TRIM49C: variants seen among roughly 807,000 people sequenced by gnomAD.
TRIM49C encodes the protein tripartite motif-containing protein 49C.
TRIM49C carries 6 observed loss-of-function variants against 21.4 expected under a neutral mutation model. That is an observed-to-expected ratio of 0.28 (90% CI 0.15 to 0.55). The LOEUF is 0.55. Among genes scored for constraint, TRIM49C ranks in the 20% least tolerant of loss-of-function variants. TRIM49C has a pLI of 0.94. For missense variants in TRIM49C, 161 were observed against 442.4 expected, an observed-to-expected ratio of 0.36 and a Z score of 5.71; for synonymous variants, 57 against 148.1, an observed-to-expected ratio of 0.38 and a Z score of 4.47.
At chr11:90,031,657 A>T (rs1428518358) in intron 1 of TRIM49C, among the ~76,000 whole-genome samples, 4 of 151,880 alleles carry the variant, frequency 2.6e-5, no homozygotes, top group Non-Finnish European at 5.9e-5. Flanking sequence ...CGTTAAAATA[A>T]TAACTCATCT....
At chr11:90,042,204 A>T (rs1463393316), downstream of TRIM49C, among the ~76,000 whole-genome samples, 3 of 146,158 alleles carry the variant, frequency 2.1e-5, no homozygotes, top group African/African-American at 7.7e-5. Context: ...AACCATACAC[A>T]GTCATTTCCA....
At chr11:90,066,377 TG>T in the TRIM49C span, among the ~76,000 whole-genome samples, 1 of 136,722 alleles carries the variant, frequency 7.3e-6, no homozygotes, top group South Asian at 2.5e-4. Flanking sequence ...GTTGCTTATG[TG>T]CCTAGCCGTT....
At chr11:90,054,364 C>T in the TRIM49C span, among the ~76,000 whole-genome samples, 4 of 134,340 alleles carry the variant, frequency 3.0e-5, no homozygotes, top group African/African-American at 1.1e-4. Context: ...TATTTTTCCC[C>T]CAAGTCCTGG....
chr11:90,069,574 A>G, the TRIM49C span, among the ~76,000 whole-genome samples: 201 of 130,136 alleles, frequency 1.5e-3, 24 homozygotes, highest in Non-Finnish European at 2.6e-3. Context: ...AAAATATCTA[A>G]ATATAAACTG....
At position 90,031,194 on chromosome 11, in the gene TRIM49C, G is replaced by A. The variant is rs1484402013; in HGVS notation, c.-241G>A. The A allele has an allele frequency of 7.4e-6, 1 of 134,804 alleles. No homozygotes were observed. 8.4% of individuals were successfully genotyped at this position (134,804 alleles called of 1,614,324 possible). Reference sequence around the variant, plus strand: ...CAGCCAGCGGGGGATTTCTTTTCCTGGTGGACTGTACCCAGGATCTCACAT... The same window carrying A: ...CAGCCAGCGGGGGATTTCTTTTCCTAGTGGACTGTACCCAGGATCTCACAT... On this transcript the variant is annotated 5_prime_UTR_variant, in exon 1 of 8. It introduces an in-frame stop codon into an upstream open reading frame of the 5' UTR. Coordinates refer to ENST00000448984, the MANE Select transcript of TRIM49C (RefSeq NM_001195234.1).
chr11:90,041,362 C>T lies in TRIM49C; in HGVS notation c.1171C>T (p.Leu391Phe). ...TATTAAGAATGACATTCAATGCAGT[C>T]TCTTTACCACCTCCCCACTTATGCT... ...GCIKNDIQCSLFTTSPLMLQY... is the reference protein window; with the variant it reads ...GCIKNDIQCSFFTTSPLMLQY... The change falls in exon 8 of 8, where the codon CTC becomes TTC. Residue 391 changes from leucine (L) to phenylalanine (F), a missense_variant. This residue lies in a region of TRIM49C where 63 missense variants were observed against 67.6 expected (regional missense o/e 0.93). Coordinates refer to ENST00000448984, the MANE Select transcript of TRIM49C (RefSeq NM_001195234.1). The T allele has an allele frequency of 6.3e-7, 1 of 1,589,214 alleles. No individual in the cohort carries two copies. Among genetic ancestry groups the T allele is most frequent in the Non-Finnish European group, 8.6e-7 (1 of 1,164,736 alleles).
intron 6 of TRIM49C, among the ~76,000 whole-genome samples, chr11:90,038,924 T>C (rs1454437088): frequency 7.3e-6 from 1 of 137,000 alleles, no homozygotes. Context: ...TGATTCCTGG[T>C]TTTGTTTTTT....
At chr11:90,056,394 G>T in the TRIM49C span, among the ~76,000 whole-genome samples, 1 of 108,884 alleles carries the variant, frequency 9.2e-6, no homozygotes, top group Non-Finnish European at 1.9e-5. Flanking sequence ...TCTAAGTCCT[G>T]CTCCTCTACC....
At chr11:90,071,086 T>C in the TRIM49C span, 1 of 488,356 alleles carries the variant, frequency 2.0e-6, no homozygotes, top group South Asian at 1.5e-5. Context: ...GTGAGCCACC[T>C]CACCCAACAA....
the TRIM49C span, among the ~76,000 whole-genome samples, chr11:90,047,053 T>C: frequency 8.1e-6 from 1 of 123,908 alleles, no homozygotes; most frequent in African/African-American, 3.3e-5. Flanking sequence ...AGCAGGTTGT[T>C]CAGTTTCCAT....
At chr11:90,038,445 C>G (rs1404361740) in intron 5 of TRIM49C, among the ~76,000 whole-genome samples, 1 of 123,266 alleles carries the variant, frequency 8.1e-6, no homozygotes, top group Non-Finnish European at 1.7e-5. Flanking sequence ...GACCATAGAC[C>G]TTCTGGGCCT....
chr11:90,066,776 CTT>C, the TRIM49C span, among the ~76,000 whole-genome samples: 1 of 132,600 alleles, frequency 7.5e-6, no homozygotes, highest in Non-Finnish European at 1.6e-5. Context: ...ATTATTATTA[CTT>C]TTTTTTCGAG....
At chr11:90,054,504 T>C in the TRIM49C span, among the ~76,000 whole-genome samples, 1 of 137,518 alleles carries the variant, frequency 7.3e-6, no homozygotes, top group Non-Finnish European at 1.6e-5. Flanking sequence ...TCTCCATTCA[T>C]TGCTATCTTT....
chr11:90,034,148 T>C (rs1442501803), intron 2 of TRIM49C, among the ~76,000 whole-genome samples: 1 of 117,974 alleles, frequency 8.5e-6, no homozygotes, highest in East Asian at 2.5e-4. Context: ...TAAGCTCAAG[T>C]CTGAAAGCTT....
chr11:90,062,772 A>G, the TRIM49C span: 4 of 1,436,850 alleles, frequency 2.8e-6, no homozygotes, highest in East Asian at 1.0e-4. Context: ...CTGTCTGGCT[A>G]GGGAAGACAG....
intron 6 of TRIM49C, 139 bp downstream of exon 6, chr11:90,038,854 A>G: frequency 2.3e-6 from 1 of 444,136 alleles, no homozygotes; most frequent in Non-Finnish European, 4.0e-6. Flanking sequence ...CCACACCTTA[A>G]AAGACAAGGC....
chr11:90,056,214 C>T, the TRIM49C span, among the ~76,000 whole-genome samples: 5 of 137,932 alleles, frequency 3.6e-5, 1 homozygote, highest in Non-Finnish European at 7.9e-5. Context: ...CCCGCCTCGG[C>T]CTCCCAAAGT....
chr11:90,031,675 A>G (rs1950688734), intron 1 of TRIM49C, among the ~76,000 whole-genome samples: 1 of 151,674 alleles, frequency 6.6e-6, no homozygotes, highest in African/African-American at 2.4e-5. Flanking sequence ...TCTTTCACCC[A>G]TGAGACTGGT....
chr11:90,034,030 C>T (rs1399797591), intron 2 of TRIM49C, among the ~76,000 whole-genome samples: 1 of 127,788 alleles, frequency 7.8e-6, no homozygotes, highest in Non-Finnish European at 1.6e-5. Context: ...CATGATTCTA[C>T]ATGGGACAGA....
Sources: allele counts gnomAD v4.1 joint callset (sites outside exome capture counted in the v4.1 genomes callset), GRCh38; gene constraint gnomAD v4.1.1; regional missense constraint gnomAD v4.1.1; transcripts MANE v1.5; gene names NCBI Gene and HGNC (gene_info 2026-07-23, HGNC 2026-07-21).